CIB3: variants seen among roughly 807,000 people sequenced by gnomAD.
CIB3 encodes calcium and integrin binding family member 3.
CIB3 carries 22 observed loss-of-function variants against 23.4 expected under a neutral mutation model. The observed-to-expected ratio is 0.94, with a 90% CI of 0.67 to 1.34. CIB3 has a LOEUF of 1.34. Among genes scored for constraint, CIB3 ranks in the 40% most tolerant of loss-of-function variants. The pLI is 0.00. For missense variants in CIB3, 258 were observed against 247.3 expected, an observed-to-expected ratio of 1.04 and a Z score of -0.29; for synonymous variants, 93 against 95.8, an observed-to-expected ratio of 0.97 and a Z score of 0.17.
At chr19:16,167,243 A>C (rs4617975) in intron 4 of CIB3, among the ~76,000 whole-genome samples, 97,512 of 151,790 alleles carry the variant, frequency 0.64, 32,656 homozygotes, top group Non-Finnish European at 0.75. Flanking sequence ...CACACACACA[A>C]AAAAAACAAG....
At chr19:16,170,822 CAA>C (rs566726971) in intron 2 of CIB3, among the ~76,000 whole-genome samples, 4 of 116,928 alleles carry the variant, frequency 3.4e-5, no homozygotes. Context: ...GACTCTGTCT[CAA>C]AAAAAAAAAA....
intron 5 of CIB3, among the ~76,000 whole-genome samples, chr19:16,162,916 A>C (rs2091290946): frequency 8.2e-6 from 1 of 121,352 alleles, no homozygotes; most frequent in African/African-American, 3.5e-5. Flanking sequence ...TTTGAGACAG[A>C]GTCTCGCTCA....
chr19:16,166,262 G>T (rs1440585623), intron 4 of CIB3, among the ~76,000 whole-genome samples: 1 of 152,160 alleles, frequency 6.6e-6, no homozygotes, highest in Non-Finnish European at 1.5e-5. Flanking sequence ...TTGCACTCCA[G>T]CCTGGGCGAC....
At chr19:16,161,673 C>CTT (rs55969649) in intron 5 of CIB3, among the ~76,000 whole-genome samples, 187 bp from the exon 6 acceptor site, 1,872 of 99,894 alleles carry the variant, frequency 0.019, 31 homozygotes, top group Non-Finnish European at 0.023. Flanking sequence ...TTTTTTAATT[C>CTT]TTTTTTTTTT....
rs113867455 is a variant in CIB3, at chr19:16,165,727, G to A, written c.347-814C>T. Among the ~76,000 whole-genome samples, 688 of 152,296 alleles carry A rather than the reference G, an allele frequency of 4.5e-3. 6 individuals carry two copies. Among genetic ancestry groups the A allele is most frequent in the African/African-American group, 0.016 (653 of 41,570 alleles). On this transcript the variant is annotated intron_variant, in intron 4 of 5. Transcript: ENST00000269878. Reference sequence around the variant, plus strand: ...CAAAGTGCTAGGATTACAGGTGGAAGCCACCACACCCAACCTCATTCATTC... The same window carrying A: ...CAAAGTGCTAGGATTACAGGTGGAAACCACCACACCCAACCTCATTCATTC...
chr19:16,173,059 C>A (rs946575891), intron 2 of CIB3, 103 bp downstream of exon 2: 6 of 1,322,490 alleles, frequency 4.5e-6, no homozygotes, highest in Non-Finnish European at 6.5e-6. Context: ...CACACACACA[C>A]ACACACACAC....
intron 5 of CIB3, among the ~76,000 whole-genome samples, chr19:16,162,243 C>CAAAA (rs79329568): frequency 1.3e-4 from 7 of 52,404 alleles, no homozygotes; most frequent in East Asian, 7.0e-4. Flanking sequence ...CTTGTCTCCA[C>CAAAA]AAAAAAAAAA....
chr19:16,172,730 G>A (rs949979316), intron 2 of CIB3, among the ~76,000 whole-genome samples: 12 of 151,930 alleles, frequency 7.9e-5, no homozygotes, highest in African/African-American at 2.7e-4. Flanking sequence ...CAGGGGGATC[G>A]CTTGAGCCCA....
chr19:16,165,572 T>A (rs972608767), intron 4 of CIB3, among the ~76,000 whole-genome samples: 9 of 151,984 alleles, frequency 5.9e-5, no homozygotes, highest in Non-Finnish European at 1.2e-4. Flanking sequence ...GCCTCCCAAG[T>A]AGCTGGGATT....
chr19:16,172,215 C>T (rs181936203), intron 2 of CIB3, among the ~76,000 whole-genome samples: 15 of 152,314 alleles, frequency 9.8e-5, no homozygotes, highest in African/African-American at 2.6e-4. Context: ...AGCACAGTGG[C>T]GTGATCTCGG....
Position 16,161,500 on chromosome 19 carries a change from G to GA in CIB3, c.543-15dup. ...ATGTGGAAGGTGCTGTGTGCAGAGA[G>GA]AAAAGGAGTCAAGGCCTTCAAGGAG... On this transcript the variant is annotated splice_polypyrimidine_tract_variant and intron_variant, in intron 5 of 5. Coordinates refer to ENST00000269878, the MANE Select transcript of CIB3 (RefSeq NM_054113.4). 1.2e-6 allele frequency: 2 copies of GA among 1,613,900 alleles called. No homozygotes were observed. The highest frequency in any genetic ancestry group is 2.2e-5 in the South Asian group (2 of 91,066).
intron 5 of CIB3, 103 bp from the exon 6 acceptor site, chr19:16,161,589 A>G: frequency 7.9e-7 from 1 of 1,263,578 alleles, no homozygotes; most frequent in South Asian, 1.2e-5. Flanking sequence ...ACAGGCAGGA[A>G]GGATGCCACA....
chr19:16,165,292 C>CAAA (rs71178645), intron 4 of CIB3, among the ~76,000 whole-genome samples: 17 of 79,930 alleles, frequency 2.1e-4, no homozygotes, highest in East Asian at 3.6e-4. Context: ...AAACTCCGTC[C>CAAA]AAAAAAAAAA....
At chr19:16,161,922 C>T (rs1353779931) in intron 5 of CIB3, among the ~76,000 whole-genome samples, 4 of 151,680 alleles carry the variant, frequency 2.6e-5, no homozygotes, top group African/African-American at 9.7e-5. Flanking sequence ...TGTGCTCAAG[C>T]GATCCACCCA....
At chr19:16,162,640 G>C (rs576818262) in intron 5 of CIB3, among the ~76,000 whole-genome samples, 163 of 151,916 alleles carry the variant, frequency 1.1e-3, no homozygotes, top group African/African-American at 3.9e-3. Flanking sequence ...TGTAATTCCA[G>C]ATACTCGGGA....
intron 4 of CIB3, among the ~76,000 whole-genome samples, chr19:16,165,805 T>G (rs1656234699): frequency 6.6e-6 from 1 of 152,206 alleles, no homozygotes; most frequent in African/African-American, 2.4e-5. Flanking sequence ...AATAACTTTT[T>G]TATTCACTCA....
At chr19:16,172,980 AGGAAGG>A (rs1217747199) in intron 2 of CIB3, among the ~76,000 whole-genome samples, 176 bp downstream of exon 2, 2 of 141,162 alleles carry the variant, frequency 1.4e-5, no homozygotes, top group Admixed American at 1.4e-4. Flanking sequence ...GAAGGAAGGA[AGGAAGG>A]GAGGGAGGGA....
chr19:16,161,565 G>A (rs1418511989), intron 5 of CIB3, 79 bp from the exon 6 acceptor site: 23 of 1,503,764 alleles, frequency 1.5e-5, no homozygotes, highest in East Asian at 2.3e-5. Context: ...ACACGCTCAC[G>A]GCAAGTCCCT....
intron 4 of CIB3, among the ~76,000 whole-genome samples, chr19:16,165,132 A>G (rs1024623728): frequency 6.6e-6 from 1 of 151,904 alleles, no homozygotes; most frequent in African/African-American, 2.4e-5. Flanking sequence ...CATCTCTACT[A>G]AAAATACAAA....
Sources: gnomAD v4.1 joint callset for allele counts (sites outside exome capture counted in the v4.1 genomes callset) on GRCh38, gnomAD v4.1.1 for gene constraint, MANE v1.5 for transcripts, NCBI Gene and HGNC (gene_info 2026-07-23, HGNC 2026-07-21) for gene names.